MIS18A: variants seen among roughly 807,000 people sequenced by gnomAD.
MIS18A encodes the protein protein Mis18-alpha.
In MIS18A, 14 loss-of-function variants were observed where a neutral mutation model predicts 25.0. The observed-to-expected ratio is 0.56, with a 90% CI of 0.37 to 0.88. MIS18A has a LOEUF of 0.88. Among genes scored for constraint, MIS18A ranks in the 40% least tolerant of loss-of-function variants. The pLI is 0.00. For synonymous variants in MIS18A, 134 were observed against 118.6 expected (o/e 1.13, Z -0.84); for missense variants, 292 against 290.8 (o/e 1.00, Z -0.03).
chr21:32,193,480 G>GTAGATAGA, the MIS18A span, among the ~76,000 whole-genome samples: 893 of 138,064 alleles, frequency 6.5e-3, no homozygotes, highest in African/African-American at 7.4e-3. Context: ...AGATAGATAG[G>GTAGATAGA]TAGATAGATA....
the MIS18A span, among the ~76,000 whole-genome samples, chr21:32,203,827 C>G: frequency 1.3e-5 from 2 of 151,930 alleles, no homozygotes; most frequent in South Asian, 4.2e-4. Flanking sequence ...CTATGTTGCC[C>G]AGGCTGGTCT....
chr21:32,205,371 G>A, the MIS18A span, among the ~76,000 whole-genome samples: 1 of 152,016 alleles, frequency 6.6e-6, no homozygotes, highest in African/African-American at 2.4e-5. Flanking sequence ...CCAAAGTGCT[G>A]GGACTACAGG....
At chr21:32,275,585 A>T (rs1169776902) in intron 1 of MIS18A, among the ~76,000 whole-genome samples, 2 of 152,212 alleles carry the variant, frequency 1.3e-5, no homozygotes, top group African/African-American at 4.8e-5. Context: ...CAAAGAATCC[A>T]GCTCTAGGAA....
At chr21:32,274,273 T>G (rs1215655971) in intron 2 of MIS18A, among the ~76,000 whole-genome samples, 2 of 145,604 alleles carry the variant, frequency 1.4e-5, no homozygotes, top group South Asian at 4.4e-4. Flanking sequence ...CTGGCGATCT[T>G]GGCTCACTGC....
the MIS18A span, among the ~76,000 whole-genome samples, chr21:32,237,811 A>G: frequency 6.6e-6 from 1 of 152,112 alleles, no homozygotes; most frequent in African/African-American, 2.4e-5. Flanking sequence ...GACAGCTAGG[A>G]TACTCTGACT....
chr21:32,242,116 G>A, the MIS18A span, among the ~76,000 whole-genome samples: 2 of 152,210 alleles, frequency 1.3e-5, no homozygotes, highest in Non-Finnish European at 2.9e-5. Flanking sequence ...TCCTGACCTC[G>A]TGATCCACCC....
At chr21:32,190,417 G>A in the MIS18A span, among the ~76,000 whole-genome samples, 1,873 of 152,236 alleles carry the variant, frequency 0.012, 30 homozygotes, top group African/African-American at 0.041. Flanking sequence ...GAGCATTCCT[G>A]ATAGACACCC....
the MIS18A span, among the ~76,000 whole-genome samples, chr21:32,156,929 T>C: frequency 6.6e-6 from 1 of 152,174 alleles, no homozygotes; most frequent in South Asian, 2.1e-4. Context: ...AGATATTAAC[T>C]GCTTCATCTA....
the MIS18A span, among the ~76,000 whole-genome samples, chr21:32,181,395 A>C: frequency 7.2e-5 from 11 of 152,166 alleles, no homozygotes; most frequent in Admixed American, 7.2e-4. Context: ...GTAGATACAG[A>C]TATAGACATT....
At chr21:32,249,187 C>T in the MIS18A span, among the ~76,000 whole-genome samples, 1 of 152,176 alleles carries the variant, frequency 6.6e-6, no homozygotes, top group African/African-American at 2.4e-5. Context: ...GGAGGGGGCC[C>T]TGGCCTCTTA....
the MIS18A span, among the ~76,000 whole-genome samples, chr21:32,213,729 CT>C: frequency 3.3e-5 from 5 of 152,330 alleles, no homozygotes; most frequent in Non-Finnish European, 7.4e-5. Context: ...CAAAATCAGT[CT>C]CATGAGGTTA....
chr21:32,207,254 T>C, the MIS18A span, among the ~76,000 whole-genome samples: 1 of 152,298 alleles, frequency 6.6e-6, no homozygotes, highest in South Asian at 2.1e-4. Context: ...AAATTGCAGA[T>C]AAGCATCTCG....
chr21:32,155,141 TTTTC>T, the MIS18A span, among the ~76,000 whole-genome samples: 3 of 152,218 alleles, frequency 2.0e-5, no homozygotes, highest in African/African-American at 7.2e-5. Flanking sequence ...TAGTAAATGT[TTTTC>T]TTTAATTTTA....
At chr21:32,252,814 G>T in the MIS18A span, among the ~76,000 whole-genome samples, 1 of 152,144 alleles carries the variant, frequency 6.6e-6, no homozygotes, top group Admixed American at 6.5e-5. Flanking sequence ...TTCCTTCATG[G>T]GTGAGAATAC....
At chr21:32,206,917 C>T in the MIS18A span, among the ~76,000 whole-genome samples, 92 of 152,274 alleles carry the variant, frequency 6.0e-4, no homozygotes, top group East Asian at 2.1e-3. Context: ...GGACCATATA[C>T]CAGAGGCTCT....
the MIS18A span, among the ~76,000 whole-genome samples, chr21:32,157,344 C>T: frequency 6.7e-6 from 1 of 149,704 alleles, no homozygotes; most frequent in Non-Finnish European, 1.5e-5. Flanking sequence ...GCTGGGATTA[C>T]AGGCATGAAC....
At chr21:32,194,207 T>C in the MIS18A span, among the ~76,000 whole-genome samples, 1 of 152,200 alleles carries the variant, frequency 6.6e-6, no homozygotes, top group East Asian at 1.9e-4. Flanking sequence ...AAACAACCAT[T>C]GTCTTCATGA....
At chr21:32,246,371 C>G in the MIS18A span, among the ~76,000 whole-genome samples, 2 of 152,122 alleles carry the variant, frequency 1.3e-5, no homozygotes, top group East Asian at 3.9e-4. Flanking sequence ...TTCGGTACGC[C>G]CCTTCTTCCC....
the MIS18A span, among the ~76,000 whole-genome samples, chr21:32,198,534 G>A: frequency 0.012 from 1,855 of 152,294 alleles, 19 homozygotes; most frequent in Non-Finnish European, 0.015. Context: ...GCCTCCCCTC[G>A]GGTGCTGTTG....
Sources: allele counts gnomAD v4.1 joint callset (sites outside exome capture counted in the v4.1 genomes callset), GRCh38; gene constraint gnomAD v4.1.1; transcripts MANE v1.5; gene names NCBI Gene and HGNC (gene_info 2026-07-23, HGNC 2026-07-21).